PRKCZ: variants seen among roughly 807,000 people sequenced by gnomAD.
The protein encoded by PRKCZ is protein kinase C zeta type.
A neutral mutation model predicts 79.5 loss-of-function variants in PRKCZ; 33 were observed. That is an observed-to-expected ratio of 0.41 (90% confidence interval 0.31 to 0.55). The LOEUF (loss-of-function observed/expected upper bound fraction) is 0.55. PRKCZ is among the 20% of genes least tolerant of loss of function. The pLI is 0.19. For synonymous variants in PRKCZ, 342 were observed against 320.9 expected (o/e 1.07, Z -0.70); for missense variants, 578 against 813.5 (o/e 0.71, Z 3.52).
At chr1:2,153,446 G>A (rs1282419415) in intron 9 of PRKCZ, among the ~76,000 whole-genome samples, 3 of 152,196 alleles carry the variant, frequency 2.0e-5, no homozygotes. Flanking sequence ...TGGGAGGGCA[G>A]AGCTGGGGCT....
In PRKCZ at chr1:2,165,907, G is replaced by A. The variant is rs944129031; in HGVS notation, c.975-3611G>A. ...GTTTTGTGAGCTTCCCTCAGCCCCC[G>A]GCCGCCCCCTAGGAGGTTTCGTGAG... On this transcript the variant is annotated intron_variant, in intron 10 of 17. Transcript: ENST00000378567. The surrounding 1 kb of genome is among the most constrained non-coding windows in gnomAD (Gnocchi z 4.1). Among the ~76,000 whole-genome samples, 14 of 151,952 alleles carry A rather than the reference G, an allele frequency of 9.2e-5. No individual in the cohort carries two copies. Among genetic ancestry groups the A allele is most frequent in the Admixed American group, 1.3e-4 (2 of 15,280 alleles).
At chr1:2,062,816 C>T (rs2102258791) in intron 4 of PRKCZ, among the ~76,000 whole-genome samples, 1 of 152,132 alleles carries the variant, frequency 6.6e-6, no homozygotes, top group South Asian at 2.1e-4. Context: ...TTTAAAGGTT[C>T]AATTCACTGG....
chr1:2,079,835 G>A (rs1557511321), intron 4 of PRKCZ, among the ~76,000 whole-genome samples: 2 of 152,124 alleles, frequency 1.3e-5, no homozygotes, highest in African/African-American at 4.8e-5. Context: ...ACATTGACTC[G>A]TGGGGCACCA....
chr1:2,136,585 G>A (rs1027062661), intron 5 of PRKCZ, among the ~76,000 whole-genome samples: 1 of 152,202 alleles, frequency 6.6e-6, no homozygotes, highest in Admixed American at 6.5e-5. Context: ...GGGGACACCA[G>A]GAAATGGGGA....
intron 4 of PRKCZ, among the ~76,000 whole-genome samples, chr1:2,099,511 G>A (rs1667096153): frequency 2.0e-5 from 3 of 152,178 alleles, no homozygotes; most frequent in Non-Finnish European, 2.9e-5. Context: ...AGCAGTGGGC[G>A]GGGCGGGGTG....
In PRKCZ at chr1:2,125,725, G is replaced by A. The variant is rs191172824; in HGVS notation, c.335-9537G>A. ...CGAAGGAGGCTGGAGTGTGGGCGGA[G>A]GGCAGCGCCAGGTTTCCCAATCAGA... On this transcript the variant is annotated intron_variant, in intron 4 of 17. Coordinates refer to ENST00000378567, the MANE Select transcript of PRKCZ (RefSeq NM_002744.6). This position sits in a 1 kb window ranked among gnomAD's most constrained non-coding sequence, Gnocchi z 4.2. Among the ~76,000 whole-genome samples the A allele has an allele frequency of 7.2e-5, 11 of 152,368 alleles. No homozygotes were observed. The highest frequency in any genetic ancestry group is 4.6e-4 in the Admixed American group (7 of 15,310).
intron 4 of PRKCZ, among the ~76,000 whole-genome samples, chr1:2,110,570 G>A (rs544191455): frequency 6.6e-6 from 1 of 152,146 alleles, no homozygotes; most frequent in African/African-American, 2.4e-5. Flanking sequence ...CCTCTGGTAC[G>A]AAGGTCCCCC....
intron 5 of PRKCZ, among the ~76,000 whole-genome samples, chr1:2,140,257 G>C (rs1304893876): frequency 1.3e-5 from 2 of 152,240 alleles, no homozygotes; most frequent in African/African-American, 4.8e-5. Flanking sequence ...GTGGGAAGCA[G>C]GATATCCTGA....
At chr1:2,065,812 T>C (rs533439673) in intron 4 of PRKCZ, among the ~76,000 whole-genome samples, 1 of 152,330 alleles carries the variant, frequency 6.6e-6, no homozygotes, top group South Asian at 2.1e-4. Context: ...TGGTTTTTAT[T>C]ATGTCGAGAT....
At chr1:2,049,538 T>A (rs983533066), upstream of PRKCZ, 1 of 152,172 alleles carries the variant, frequency 6.6e-6, no homozygotes, top group Non-Finnish European at 1.5e-5. Flanking sequence ...GGGCGTGGCC[T>A]GAGCAGGTCC....
At chr1:2,126,496 C>A (rs972571515) in intron 4 of PRKCZ, among the ~76,000 whole-genome samples, 2 of 152,110 alleles carry the variant, frequency 1.3e-5, no homozygotes, top group African/African-American at 4.8e-5. Context: ...GCCCCGCCGA[C>A]CCTGCCATGC....
At chr1:2,142,892 C>T (rs1012647320) in intron 5 of PRKCZ, 1 of 152,536 alleles carries the variant, frequency 6.6e-6, no homozygotes, top group African/African-American at 2.4e-5. Flanking sequence ...CCCCTTTGCT[C>T]AGCCGCACCT....
chr1:2,156,364 A>G (rs1681046220), intron 10 of PRKCZ: 2 of 340,664 alleles, frequency 5.9e-6, no homozygotes, highest in Non-Finnish European at 1.1e-5. Context: ...CTGGGGCTAC[A>G]AAAGTAAGCA....
intron 4 of PRKCZ, among the ~76,000 whole-genome samples, chr1:2,120,675 C>T (rs1045623592): frequency 8.5e-5 from 13 of 152,060 alleles, no homozygotes; most frequent in African/African-American, 2.9e-4. Flanking sequence ...CTAATGTGCT[C>T]TTTTTTCTGG....
At chr1:2,104,864 C>T (rs1668109274) in intron 4 of PRKCZ, 1 of 985,570 alleles carries the variant, frequency 1.0e-6, no homozygotes, top group Non-Finnish European at 1.2e-6. Context: ...TGAGTGTGTG[C>T]TGTCTTCAGA....
chr1:2,147,181 C>G (rs927313144), intron 7 of PRKCZ, among the ~76,000 whole-genome samples: 12 of 151,902 alleles, frequency 7.9e-5, no homozygotes, highest in Non-Finnish European at 1.3e-4. Flanking sequence ...CCACTGACCT[C>G]TCCATCCAAC....
At chr1:2,059,677 C>T (rs751514743) in intron 4 of PRKCZ, 86 bp downstream of exon 4, 28 of 1,560,718 alleles carry the variant, frequency 1.8e-5, no homozygotes, top group East Asian at 2.3e-5. Context: ...GCAGTGGTGC[C>T]GTTTTCGGAG....
At chr1:2,076,847 C>T (rs1662514681) in intron 4 of PRKCZ, among the ~76,000 whole-genome samples, 1 of 152,166 alleles carries the variant, frequency 6.6e-6, no homozygotes, top group Admixed American at 6.5e-5. Flanking sequence ...GCACTTGTCA[C>T]TCATACAGGA....
At chr1:2,116,638 C>CT (rs1340408885) in intron 4 of PRKCZ, among the ~76,000 whole-genome samples, 1 of 152,138 alleles carries the variant, frequency 6.6e-6, no homozygotes, top group African/African-American at 2.4e-5. Context: ...GATCTGTCCC[C>CT]TTTGTTTTTT....
Sources: allele counts gnomAD v4.1 joint callset (sites outside exome capture counted in the v4.1 genomes callset), GRCh38; gene constraint gnomAD v4.1.1; non-coding constraint Gnocchi (gnomAD v3.1); transcripts MANE v1.5; gene names NCBI Gene and HGNC (gene_info 2026-07-23, HGNC 2026-07-21).